Variants in SPINT2 observed in about 807,000 individuals in gnomAD.
SPINT2 encodes serine peptidase inhibitor, Kunitz type 2.
A neutral mutation model predicts 30.1 loss-of-function variants in SPINT2; 18 were observed. The observed-to-expected ratio is 0.60, with a 90% CI of 0.41 to 0.89. SPINT2 has a LOEUF of 0.89. SPINT2 is among the 40% of genes least tolerant of loss of function. The probability of loss-of-function intolerance (pLI) is 0.00; values close to 1 mark genes in which losing one functional copy is unlikely to be tolerated. For missense variants in SPINT2, 276 were observed against 334.3 expected, an observed-to-expected ratio of 0.83 and a Z score of 1.36; for synonymous variants, 139 against 137.9, an observed-to-expected ratio of 1.01 and a Z score of -0.05.
At chr19:38,276,333 G>T (rs190525191) in intron 1 of SPINT2, among the ~76,000 whole-genome samples, 36 of 152,164 alleles carry the variant, frequency 2.4e-4, no homozygotes, top group African/African-American at 4.1e-4. Context: ...AGTTATTTTT[G>T]CTTGTTTTAA....
At chr19:38,266,613 C>G (rs1003633884) in intron 1 of SPINT2, among the ~76,000 whole-genome samples, 3 of 151,508 alleles carry the variant, frequency 2.0e-5, no homozygotes, top group Admixed American at 1.3e-4. Flanking sequence ...GAGGCGGAGG[C>G]TGTAGTGAGC....
At chr19:38,289,909 C>T (rs891792305) in intron 4 of SPINT2, 2 of 621,636 alleles carry the variant, frequency 3.2e-6, no homozygotes, top group South Asian at 3.7e-5. Flanking sequence ...TGGCAGAGAG[C>T]AGCCTTCAAA....
At chr19:38,276,558 C>T (rs1759810778) in intron 1 of SPINT2, among the ~76,000 whole-genome samples, 1 of 151,638 alleles carries the variant, frequency 6.6e-6, no homozygotes, top group South Asian at 2.1e-4. Flanking sequence ...AGGGGAATGG[C>T]GTGAACCCAG....
At chr19:38,274,612 G>A (rs1238522273) in intron 1 of SPINT2, among the ~76,000 whole-genome samples, 1 of 152,066 alleles carries the variant, frequency 6.6e-6, no homozygotes, top group Admixed American at 6.6e-5. Context: ...GAGGTTAGGA[G>A]TTTGAGGCCA....
chr19:38,292,123 G>A lies in SPINT2; in HGVS notation c.*117G>A, dbSNP rs1968729293. The A allele has an allele frequency of 1.4e-6, 2 of 1,423,080 alleles. No homozygotes were observed. The highest frequency in any genetic ancestry group is 2.0e-5 in the Admixed American group (1 of 50,482). 88.2% of individuals were successfully genotyped at this position (1,423,080 alleles called of 1,614,324 possible). ...TTAGGGCTGAGGTCTGTTTCTCTGGGAGGTAGGACGGCTGCTTCCTGGTCT... is the reference window on the plus strand; with the variant it reads ...TTAGGGCTGAGGTCTGTTTCTCTGGAAGGTAGGACGGCTGCTTCCTGGTCT... On this transcript the variant is annotated 3_prime_UTR_variant, in exon 7 of 7. Coordinates refer to ENST00000301244, the MANE Select transcript of SPINT2 (RefSeq NM_021102.4).
At chr19:38,277,306 C>T (rs577594426) in intron 1 of SPINT2, among the ~76,000 whole-genome samples, 38 of 152,078 alleles carry the variant, frequency 2.5e-4, no homozygotes, top group Non-Finnish European at 4.9e-4. Flanking sequence ...AGTGCAGTGG[C>T]GCAATCTCAG....
At position 38,285,895 on chromosome 19, in the gene SPINT2, G is replaced by C. The variant is rs1228025058; in HGVS notation, c.278-1981G>C. 3.9e-5 allele frequency among the ~76,000 whole-genome samples: 6 copies of C among 152,236 alleles called. No homozygotes were observed. In the East Asian group the frequency reaches 1.2e-3, roughly 29 times the overall value. On this transcript the variant is annotated intron_variant, in intron 2 of 6. Coordinates refer to ENST00000301244, the MANE Select transcript of SPINT2 (RefSeq NM_021102.4). ...AGAGTTGCCTTTAGCAAATGTATCT[G>C]TCCATCCTGGCTGTTTGTTACCTCC... is the stretch of plus-strand genomic sequence containing the variant.
chr19:38,264,808 G>C lies in SPINT2; in HGVS notation c.-85G>C. The stretch of plus-strand genomic sequence containing the variant: ...ACCTGAACGCGAGGCGCTCCATTGC[G>C]CGTGCGCGTTGAGGGGCTTCCCGCA... On this transcript the variant is annotated 5_prime_UTR_variant, in exon 1 of 7. Coordinates refer to ENST00000301244, the MANE Select transcript of SPINT2 (RefSeq NM_021102.4). 3 of 1,388,952 alleles carry C rather than the reference G, an allele frequency of 2.2e-6. No individual in the cohort carries two copies. The highest frequency in any genetic ancestry group is 1.3e-5 in the South Asian group (1 of 79,784). The allele number at this position is 1,388,952 out of a possible 1,614,324, so 86.0% of individuals were successfully genotyped here.
chr19:38,287,849 C>T (rs763763750), intron 2 of SPINT2, 27 bp from the exon 3 acceptor site: 1 of 1,613,968 alleles, frequency 6.2e-7, no homozygotes, highest in African/African-American at 1.3e-5. Flanking sequence ...AGCTCTTTCA[C>T]TGTGCTGTTT....
Position 38,264,830 on chromosome 19 carries a change from C to G in SPINT2, c.-63C>G. 1 of 1,495,840 alleles carries G rather than the reference C, an allele frequency of 6.7e-7. No homozygotes were observed. The highest frequency in any genetic ancestry group is 9.0e-7 in the Non-Finnish European group (1 of 1,113,650). 92.7% of individuals were successfully genotyped at this position (1,495,840 alleles called of 1,614,324 possible). On this transcript the variant is annotated 5_prime_UTR_variant, in exon 1 of 7. Coordinates refer to ENST00000301244, the MANE Select transcript of SPINT2 (RefSeq NM_021102.4). ...TGCGCGTGCGCGTTGAGGGGCTTCCCGCACCTGATCGCGAGACCCCAACGG... is the reference window on the plus strand; with the variant it reads ...TGCGCGTGCGCGTTGAGGGGCTTCCGGCACCTGATCGCGAGACCCCAACGG...
At chr19:38,286,845 C>T (rs1019440065) in intron 2 of SPINT2, among the ~76,000 whole-genome samples, 3 of 152,064 alleles carry the variant, frequency 2.0e-5, no homozygotes, top group Admixed American at 6.6e-5. Flanking sequence ...TGTTTTTCTC[C>T]CCCCAAAGAG....
intron 2 of SPINT2, among the ~76,000 whole-genome samples, chr19:38,284,601 G>A (rs889775846): frequency 6.6e-6 from 1 of 152,184 alleles, no homozygotes; most frequent in African/African-American, 2.4e-5. Flanking sequence ...GGGCAGAGCT[G>A]GGGCCAGCGT....
intron 1 of SPINT2, among the ~76,000 whole-genome samples, chr19:38,266,233 G>A (rs1286482691): frequency 6.6e-6 from 1 of 152,168 alleles, no homozygotes; most frequent in Non-Finnish European, 1.5e-5. Context: ...AGGAGGATGG[G>A]AGGTGGGAGA....
rs906929736 is a variant in SPINT2, at chr19:38,264,693, G to A, written c.-200G>A. 1.7e-5 allele frequency: 10 copies of A among 585,394 alleles called. No individual in the cohort carries two copies. The African/African-American group carries it at 2.0e-4, about 11-fold the overall frequency. 36.3% of individuals were successfully genotyped at this position (585,394 alleles called of 1,614,324 possible). A position where few individuals can be genotyped will look rare whatever the true frequency, so the allele number is the denominator to read the frequency against. ...TGAGGAGCAGACCCAGGCATCGCGC[G>A]CCGAGAAGGCCGGGCGTCCCCACAC... On this transcript the variant is annotated 5_prime_UTR_variant, in exon 1 of 7. Coordinates refer to ENST00000301244, the MANE Select transcript of SPINT2 (RefSeq NM_021102.4).
intron 2 of SPINT2, among the ~76,000 whole-genome samples, chr19:38,286,749 C>T (rs1421751525): frequency 6.6e-6 from 1 of 152,168 alleles, no homozygotes; most frequent in Non-Finnish European, 1.5e-5. Context: ...CGCCAGAGCA[C>T]TCCAGCCTGG....
At chr19:38,267,360 T>C (rs73630135) in intron 1 of SPINT2, among the ~76,000 whole-genome samples, 3,013 of 152,240 alleles carry the variant, frequency 0.02, 88 homozygotes, top group African/African-American at 0.068. Flanking sequence ...TGAAGCTCCA[T>C]GCAGTGGCTC....
chr19:38,282,399 A>G (rs1206401238), intron 1 of SPINT2, among the ~76,000 whole-genome samples: 2 of 152,100 alleles, frequency 1.3e-5, no homozygotes, highest in Non-Finnish European at 2.9e-5. Context: ...AGGTGGGTGA[A>G]GGCCAGGGTT....
chr19:38,277,232 A>G (rs780408363), intron 1 of SPINT2, among the ~76,000 whole-genome samples: 7 of 151,984 alleles, frequency 4.6e-5, no homozygotes, highest in Non-Finnish European at 7.4e-5. Context: ...ATTAGGTACT[A>G]TCTCATCTGT....
At chr19:38,279,297 G>A (rs992463066) in intron 1 of SPINT2, among the ~76,000 whole-genome samples, 6 of 151,486 alleles carry the variant, frequency 4.0e-5, no homozygotes, top group African/African-American at 1.2e-4. Context: ...TCAGGAGTTC[G>A]AGACCAGCCT....
Sources: allele counts gnomAD v4.1 joint callset (sites outside exome capture counted in the v4.1 genomes callset), GRCh38; gene constraint gnomAD v4.1.1; transcripts MANE v1.5; gene names NCBI Gene and HGNC (gene_info 2026-07-23, HGNC 2026-07-21).